SYNE2: variants seen among roughly 807,000 people sequenced by gnomAD.
SYNE2 encodes nesprin-2.
In SYNE2, 431 loss-of-function variants were observed where a neutral mutation model predicts 856.3. The ratio of observed to expected loss-of-function variants is 0.50; its 90% CI spans 0.47 to 0.55. SYNE2 has a LOEUF of 0.55. SYNE2 is among the 20% of genes least tolerant of loss of function. SYNE2 has a pLI of 0.00. For missense variants in SYNE2, 8,129 were observed against 8,023.2 expected (o/e 1.01, Z -0.50); for synonymous variants, 2,923 against 2,872.3 (o/e 1.02, Z -0.56).
rs1160819887 is a variant in SYNE2 at position 63,924,834 on chromosome 14, G to GTTTTTTT, written c.79+15630_79+15636dup. ...TAACTTTTTTCCTTCCAGCCTTGGT[G>GTTTTTTT]TTTTTTTTTTTTTTTTTTTTTTTTT... is the stretch of plus-strand genomic sequence containing the variant. On this transcript the variant is annotated intron_variant, in intron 2 of 115. Transcript: ENST00000555002. Among the ~76,000 whole-genome samples, 26 of 56,450 alleles carry GTTTTTTT rather than the reference G, an allele frequency of 4.6e-4. 1 individual carries two copies. Among genetic ancestry groups the GTTTTTTT allele is most frequent in the African/African-American group, 9.9e-4 (17 of 17,190 alleles). The allele number at this position is 56,450 out of a possible 152,430, so 37.0% of individuals were successfully genotyped here.
chr14:63,995,673 A>G (rs994768442), intron 23 of SYNE2, among the ~76,000 whole-genome samples: 1 of 151,744 alleles, frequency 6.6e-6, no homozygotes, highest in Non-Finnish European at 1.5e-5. Flanking sequence ...TTAAGTTTCT[A>G]CTGTTGTGGC....
chr14:64,024,345 A>G lies in SYNE2; in HGVS notation c.5726A>G (p.His1909Arg), dbSNP rs750862490. 3 of 1,614,196 alleles carry G rather than the reference A, an allele frequency of 1.9e-6. No homozygotes were observed. Among genetic ancestry groups the G allele is most frequent in the Admixed American group, 3.3e-5 (2 of 60,030 alleles). ...KHVKKHLPKAHVKELISWLVG... is the reference protein window; with the variant it reads ...KHVKKHLPKARVKELISWLVG... The stretch of plus-strand genomic sequence containing the variant: ...GTGAAGAAGCATCTGCCCAAAGCAC[A>G]TGTGAAGGAGCTTATCAGTTGGCTC... The change falls in exon 39 of 116, where the codon CAT becomes CGT. Residue 1909 changes from histidine (H) to arginine (R), a missense_variant. Coordinates refer to ENST00000555002, the MANE Select transcript of SYNE2 (RefSeq NM_182914.3).
intron 6 of SYNE2, among the ~76,000 whole-genome samples, chr14:63,945,439 C>T (rs1444738152): frequency 6.6e-6 from 1 of 152,092 alleles, no homozygotes; most frequent in Non-Finnish European, 1.5e-5. Context: ...TCGTGTTTGA[C>T]TTATTTCATT....
At position 63,983,779 on chromosome 14, in the gene SYNE2, A is replaced by G. The variant is rs1594659210; in HGVS notation, c.2044A>G (p.Thr682Ala). The part of the protein sequence containing the change: ...PLMIKKQDQP[T>A]FDNSGNILSK... ...GATGATAAAAAAACAGGATCAGCCC[A>G]CTTTTGACAATTCTGGAAATATTCT... is the stretch of plus-strand genomic sequence containing the variant. Residue 682 changes from threonine to alanine, a missense_variant, in exon 18 of 116, where the codon ACT becomes GCT. Thr to Ala is a moderately conservative substitution (Grantham distance 58, BLOSUM62 0). Coordinates refer to ENST00000555002, the MANE Select transcript of SYNE2 (RefSeq NM_182914.3). The G allele has an allele frequency of 1.2e-6, 2 of 1,613,090 alleles. No individual in the cohort carries two copies. Among genetic ancestry groups the G allele is most frequent in the Admixed American group, 1.7e-5 (1 of 59,996 alleles).
At chr14:64,168,792 C>A in intron 92 of SYNE2, 85 bp from the exon 93 acceptor site, 2 of 953,926 alleles carry the variant, frequency 2.1e-6, no homozygotes, top group Non-Finnish European at 3.3e-6. Flanking sequence ...CCTTTGTAAG[C>A]TTAGATTTTA....
At chr14:63,921,721 T>G (rs969773754) in intron 2 of SYNE2, among the ~76,000 whole-genome samples, 5 of 152,074 alleles carry the variant, frequency 3.3e-5, no homozygotes, top group Non-Finnish European at 5.9e-5. Context: ...AGGTGAGAAT[T>G]AGGTAGTGTT....
intron 1 of SYNE2, among the ~76,000 whole-genome samples, chr14:63,789,396 G>A (rs1372384971): frequency 6.6e-6 from 1 of 152,058 alleles, no homozygotes; most frequent in Non-Finnish European, 1.5e-5. Flanking sequence ...TCCTAGTAAA[G>A]ATACGAAGGA....
chr14:63,859,979 C>CCCTTCCTCCCTTCCTCCCTTCCTT (rs1555349477), intron 1 of SYNE2, among the ~76,000 whole-genome samples: 1 of 130,120 alleles, frequency 7.7e-6, no homozygotes, highest in African/African-American at 3.0e-5. Flanking sequence ...CTCCCTTCCT[C>CCCTTCCTCCCTTCCTCCCTTCCTT]CCTTCCTTCC....
chr14:64,149,249 T>C (rs1396521745), intron 84 of SYNE2, among the ~76,000 whole-genome samples: 1 of 151,902 alleles, frequency 6.6e-6, no homozygotes, highest in Non-Finnish European at 1.5e-5. Flanking sequence ...GTTCAAGCAG[T>C]AAGCCATGAT....
At chr14:64,128,101 AT>A (rs2097968147) in intron 73 of SYNE2, among the ~76,000 whole-genome samples, 1 of 152,172 alleles carries the variant, frequency 6.6e-6, no homozygotes, top group African/African-American at 2.4e-5. Flanking sequence ...AGGAATTATT[AT>A]TGATGGCAGG....
chr14:64,106,983 C>G lies in SYNE2; in HGVS notation c.12493-508C>G, dbSNP rs1426474072. On this transcript the variant is annotated intron_variant, in intron 64 of 115. Coordinates refer to ENST00000555002, the MANE Select transcript of SYNE2 (RefSeq NM_182914.3). The stretch of plus-strand genomic sequence containing the variant: ...CTAAATGGAATAAATTCACCTTTTC[C>G]CCACTCTTTGAAATGTGGCCTTTAT... Among the ~76,000 whole-genome samples, 6 of 152,052 alleles carry G rather than the reference C, an allele frequency of 3.9e-5. No homozygotes were observed. In the South Asian group the frequency reaches 1.3e-3, roughly 32 times the overall value.
At chr14:64,031,425 G>A in intron 45 of SYNE2, 68 bp downstream of exon 45, 1 of 1,388,008 alleles carries the variant, frequency 7.2e-7, no homozygotes, top group Non-Finnish European at 1.0e-6. Flanking sequence ...GCTCTGAAAA[G>A]AGGGTCGTGA....
rs183751513 is a variant in SYNE2 at position 64,084,836 on chromosome 14, C to T, written c.11485-2835C>T. The T allele has an allele frequency of 2.9e-4, 184 of 632,504 alleles. 1 individual carries two copies. Among genetic ancestry groups the T allele is most frequent in the Admixed American group, 1.4e-3 (59 of 42,028 alleles). The allele number at this position is 632,504 out of a possible 1,614,324, so 39.2% of individuals were successfully genotyped here. ...TGGCTCAAGGTCTCTCATGAGAATG[C>T]GGTCAAGGTGTCGACAAAGGCTGCA... On this transcript the variant is annotated intron_variant, in intron 57 of 115. Transcript: ENST00000555002.
chr14:63,817,397 G>C (rs1889034635), intron 1 of SYNE2, among the ~76,000 whole-genome samples: 1 of 152,088 alleles, frequency 6.6e-6, no homozygotes, highest in African/African-American at 2.4e-5. Context: ...AGCCTGGGAG[G>C]CAGAGGTTGC....
At position 64,028,251 on chromosome 14, in the gene SYNE2, G is replaced by GTTTA. The variant is rs200299020; in HGVS notation, c.6714+474_6714+477dup. On this transcript the variant is annotated intron_variant, in intron 43 of 115. Transcript: ENST00000555002. ...AGAGCTTTCTAATTTGATTGATCCT[G>GTTTA]TTTATTTATTTATTTATTTTTAGAG... is the stretch of plus-strand genomic sequence containing the variant. Among the ~76,000 whole-genome samples, 976 of 151,782 alleles carry GTTTA rather than the reference G, an allele frequency of 6.4e-3. 17 individuals carry two copies. The highest frequency in any genetic ancestry group is 0.022 in the African/African-American group (923 of 41,388).
At chr14:64,007,480 A>C (rs555779013) in intron 31 of SYNE2, among the ~76,000 whole-genome samples, 5 of 152,206 alleles carry the variant, frequency 3.3e-5, no homozygotes, top group African/African-American at 7.2e-5. Context: ...TACCATCCCA[A>C]CTGGGGTGGT....
intron 1 of SYNE2, among the ~76,000 whole-genome samples, chr14:63,905,979 G>A (rs995913379): frequency 1.3e-5 from 2 of 152,028 alleles, no homozygotes; most frequent in African/African-American, 4.8e-5. Flanking sequence ...TTCCTTCAAT[G>A]CCTAGTCTGT....
rs770694626 is a variant in SYNE2 at position 63,997,287 on chromosome 14, TG to T, written c.3153-13del. On this transcript the variant is annotated splice_polypyrimidine_tract_variant and intron_variant, in intron 24 of 115. Transcript: ENST00000555002. Reference sequence around the variant, plus strand: ...TTACCCTCTTTTAAACATGCAATTTTGATTCCTTTCTAGGGGGACCATCACC... The same window carrying T: ...TTACCCTCTTTTAAACATGCAATTTTATTCCTTTCTAGGGGGACCATCACC... 133 of 1,610,618 alleles carry T rather than the reference TG, an allele frequency of 8.3e-5. No individual in the cohort carries two copies. Among genetic ancestry groups the T allele is most frequent in the Non-Finnish European group, 1.1e-4 (130 of 1,177,774 alleles).
At chr14:63,910,085 T>C (rs1390784853) in intron 2 of SYNE2, among the ~76,000 whole-genome samples, 1 of 152,194 alleles carries the variant, frequency 6.6e-6, no homozygotes, top group African/African-American at 2.4e-5. Context: ...AGTAAGCTAG[T>C]ATAAAAGAAA....
Sources: gnomAD v4.1 joint callset for allele counts (sites outside exome capture counted in the v4.1 genomes callset) on GRCh38, gnomAD v4.1.1 for gene constraint, MANE v1.5 for transcripts, NCBI Gene and HGNC (gene_info 2026-07-23, HGNC 2026-07-21) for gene names.